Variants in CAPN7 observed in about 807,000 individuals in gnomAD.
The protein encoded by CAPN7 is calpain 7.
Under a neutral mutation model 115.2 loss-of-function variants are expected in CAPN7, and 72 were observed. That is an observed-to-expected ratio of 0.63 (90% CI 0.52 to 0.76). The LOEUF (loss-of-function observed/expected upper bound fraction) is 0.76, where lower values mean the gene tolerates loss of function less well. Among genes scored for constraint, CAPN7 ranks in the 30% least tolerant of loss-of-function variants. CAPN7 has a pLI of 0.00. For missense variants in CAPN7, 905 were observed against 971.5 expected, an observed-to-expected ratio of 0.93 and a Z score of 0.91; for synonymous variants, 344 against 322.3, an observed-to-expected ratio of 1.07 and a Z score of -0.72.
chr3:15,241,420 A>G, intron 14 of CAPN7, 33 bp from the exon 15 acceptor site: 1 of 1,601,602 alleles, frequency 6.2e-7, no homozygotes, highest in Non-Finnish European at 8.5e-7. Context: ...GAGAAATTTA[A>G]TTACAACCTT....
Position 15,215,142 on chromosome 3 carries a change from A to C in CAPN7, c.212-2283A>C, listed in dbSNP as rs529344955. ...GCTAAAGTTTTGAAAACATCAGCACAAACTGGGCACAGTGGTGAGTGCCTG... is the reference window on the plus strand; with the variant it reads ...GCTAAAGTTTTGAAAACATCAGCACCAACTGGGCACAGTGGTGAGTGCCTG... On this transcript the variant is annotated intron_variant, in intron 2 of 20. Transcript: ENST00000253693. 2.0e-5 allele frequency among the ~76,000 whole-genome samples: 3 copies of C among 152,216 alleles called. No individual in the cohort carries two copies. The South Asian group carries it at 6.2e-4, about 32-fold the overall frequency.
intron 16 of CAPN7, among the ~76,000 whole-genome samples, chr3:15,242,735 C>T (rs1488265980): frequency 6.6e-6 from 1 of 152,176 alleles, no homozygotes; most frequent in East Asian, 1.9e-4. Context: ...AGAATCTCTC[C>T]TCCTGCCTTA....
At chr3:15,232,947 T>C (rs1416378139) in intron 10 of CAPN7, among the ~76,000 whole-genome samples, 1 of 152,216 alleles carries the variant, frequency 6.6e-6, no homozygotes, top group Non-Finnish European at 1.5e-5. Flanking sequence ...TGTGTCATAT[T>C]GTCATGTATT....
rs576553169 is a variant in CAPN7, at chr3:15,214,221, A to G, written c.211+2009A>G. On this transcript the variant is annotated intron_variant, in intron 2 of 20. Coordinates refer to ENST00000253693, the MANE Select transcript of CAPN7 (RefSeq NM_014296.3). ...AAGCATAACATAGCTTGTTTTACCA[A>G]CTTCTTTCTGCTTTTGTTGAAGAAA... 1.9e-3 allele frequency among the ~76,000 whole-genome samples: 285 copies of G among 152,220 alleles called. 2 individuals are homozygous for G. The highest frequency in any genetic ancestry group is 6.7e-3 in the African/African-American group (277 of 41,552).
chr3:15,245,540 T>C lies in CAPN7; in HGVS notation c.1879T>C (p.Tyr627His). The change falls in exon 17 of 21, where the codon TAC becomes CAC. Residue 627 changes from tyrosine (Y) to histidine (H), a missense_variant. By Grantham distance (83) the Tyr-to-His change is moderately conservative (BLOSUM62 2). This residue lies in a region of CAPN7 where 620 missense variants were observed against 703.4 expected (regional missense o/e 0.88). Coordinates refer to ENST00000253693, the MANE Select transcript of CAPN7 (RefSeq NM_014296.3). ...TTTGTTTGCAGCTGACCCACCTCCATACATTGATGGAATTCGAATTAACAG... is the reference window on the plus strand; with the variant it reads ...TTTGTTTGCAGCTGACCCACCTCCACACATTGATGGAATTCGAATTAACAG... ...KVYYPADPPP[Y>H]IDGIRINSPH... 3 of 1,613,662 alleles carry C rather than the reference T, an allele frequency of 1.9e-6. No individual in the cohort carries two copies. Among genetic ancestry groups the C allele is most frequent in the Non-Finnish European group, 2.5e-6 (3 of 1,179,812 alleles).
intron 3 of CAPN7, 150 bp from the exon 4 acceptor site, chr3:15,218,323 A>G: frequency 3.2e-6 from 2 of 619,132 alleles, no homozygotes; most frequent in South Asian, 2.0e-5. Context: ...TTTAAATGAT[A>G]CCTTTAAGGA....
intron 12 of CAPN7, among the ~76,000 whole-genome samples, chr3:15,237,178 A>G (rs1409736374): frequency 2.0e-5 from 3 of 152,238 alleles, no homozygotes; most frequent in Non-Finnish European, 2.9e-5. Context: ...TGTAATAACA[A>G]CTAGCTGAAA....
rs577413185 is a variant in CAPN7 at position 15,213,489 on chromosome 3, G to A, written c.211+1277G>A. ...GAAGCATGCTAGACTAAATGTTAAA[G>A]CAGAATGCTCTAGAAAGGAGAGATT... On this transcript the variant is annotated intron_variant, in intron 2 of 20. Coordinates refer to ENST00000253693, the MANE Select transcript of CAPN7 (RefSeq NM_014296.3). 3.9e-5 allele frequency among the ~76,000 whole-genome samples: 6 copies of A among 152,316 alleles called. No individual in the cohort carries two copies. In the South Asian group the frequency reaches 1.0e-3, roughly 26 times the overall value.
chr3:15,245,785 CTCTT>C (rs1158946805), intron 17 of CAPN7, 114 bp downstream of exon 17: 4 of 789,904 alleles, frequency 5.1e-6, no homozygotes, highest in Non-Finnish European at 7.4e-6. Context: ...ATGTATTGCT[CTCTT>C]TTTTTGTGCT....
chr3:15,251,834 C>T lies in CAPN7; in HGVS notation c.*574C>T, dbSNP rs766200858. 6.6e-6 allele frequency: 1 copy of T among 152,092 alleles called. No individual in the cohort carries two copies. The highest frequency in any genetic ancestry group is 2.1e-4 in the South Asian group (1 of 4,834). The allele number at this position is 152,092 out of a possible 1,614,324, so 9.4% of individuals were successfully genotyped here. On this transcript the variant is annotated 3_prime_UTR_variant, in exon 21 of 21. Coordinates refer to ENST00000253693, the MANE Select transcript of CAPN7 (RefSeq NM_014296.3). ...GCCCAGGTGTTATGAAAGAATAAAGCTTTTAAGTATAGACTACCTTAGCAT... is the reference window on the plus strand; with the variant it reads ...GCCCAGGTGTTATGAAAGAATAAAGTTTTTAAGTATAGACTACCTTAGCAT...
rs1695056729 is a variant in CAPN7, at chr3:15,237,411, C to T, written c.1407+2266C>T. On this transcript the variant is annotated intron_variant, in intron 12 of 20. Transcript: ENST00000253693. The stretch of plus-strand genomic sequence containing the variant: ...TATATGTAGTTCATCGCTGTCTTAA[C>T]ATTTCATTATATGGTGCATGACTGT... 2.0e-5 allele frequency among the ~76,000 whole-genome samples: 3 copies of T among 151,824 alleles called. No homozygotes were observed. The South Asian group carries it at 6.2e-4, about 31-fold the overall frequency.
Position 15,247,395 on chromosome 3 carries a change from C to T in CAPN7, c.2142C>T (p.Asn714=), listed in dbSNP as rs1375769406. 1.9e-6 allele frequency: 3 copies of T among 1,611,334 alleles called. No individual in the cohort carries two copies. Among genetic ancestry groups the T allele is most frequent in the Non-Finnish European group, 2.5e-6 (3 of 1,178,366 alleles). The change falls in exon 19 of 21, where the codon AAC becomes AAT. Residue 714 remains asparagine, a synonymous_variant. Transcript: ENST00000253693. ...ATTTCCAAGAGACTCACAAAAATAACCCCATCTACCAATTCCATATAGAAA... is the reference window on the plus strand; with the variant it reads ...ATTTCCAAGAGACTCACAAAAATAATCCCATCTACCAATTCCATATAGAAA... The part of the protein sequence containing the change: ...CGNFQETHKN[N]PIYQFHIEKT...
chr3:15,250,706 T>C (rs1225799958), intron 19 of CAPN7, among the ~76,000 whole-genome samples: 1 of 152,128 alleles, frequency 6.6e-6, no homozygotes, highest in Non-Finnish European at 1.5e-5. Flanking sequence ...GAGCCCATGG[T>C]AAAAATACAG....
rs780304522 is a variant in CAPN7 at position 15,241,466 on chromosome 3, A to C, written c.1666A>C (p.Lys556Gln). 8 of 1,613,816 alleles carry C rather than the reference A, an allele frequency of 5.0e-6. No homozygotes were observed. In the African/African-American group the frequency reaches 8.0e-5, roughly 16 times the overall value. Residue 556 changes from lysine to glutamine, a missense_variant, in exon 15 of 21, where the codon AAG becomes CAG. Lys to Gln is a moderately conservative substitution (Grantham distance 53). This residue lies in a region of CAPN7 where 620 missense variants were observed against 703.4 expected (regional missense o/e 0.88). Coordinates refer to ENST00000253693, the MANE Select transcript of CAPN7 (RefSeq NM_014296.3). ...TTTATCTTTTAGTACTTGGGATGCT[A>C]AGCAAGGACCTGTGAAAGATGCCTA... ...STCIHSTWDAKQGPVKDAYSL... is the reference protein window; with the variant it reads ...STCIHSTWDAQQGPVKDAYSL...
chr3:15,218,478 T>C lies in CAPN7; in HGVS notation c.375T>C (p.Tyr125=), dbSNP rs756127787. The change falls in exon 4 of 21, where the codon TAT becomes TAC. Residue 125 remains tyrosine (Y), a synonymous_variant. Coordinates refer to ENST00000253693, the MANE Select transcript of CAPN7 (RefSeq NM_014296.3). Reference sequence around the variant, plus strand: ...GTCTCTTTCTTTCTCTTAAGTCTTATGAAACTGCTGATAAAGTCCTGCAAA... The same window carrying C: ...GTCTCTTTCTTTCTCTTAAGTCTTACGAAACTGCTGATAAAGTCCTGCAAA... ...EAVDLCLKTS[Y]ETADKVLQNK... 5.0e-6 allele frequency: 8 copies of C among 1,609,876 alleles called. No homozygotes were observed. The East Asian group carries it at 1.3e-4, about 27-fold the overall frequency.
intron 4 of CAPN7, among the ~76,000 whole-genome samples, chr3:15,220,312 C>G (rs755284198): frequency 6.6e-6 from 1 of 152,202 alleles, no homozygotes; most frequent in African/African-American, 2.4e-5. Context: ...TCCTCACTGC[C>G]CAGGTGAACA....
In CAPN7 at chr3:15,208,047, G is replaced by C. The variant is rs542844560; in HGVS notation, c.102+1450G>C. Among the ~76,000 whole-genome samples the C allele has an allele frequency of 2.0e-5, 3 of 152,230 alleles. No homozygotes were observed. In the South Asian group the frequency reaches 6.2e-4, roughly 32 times the overall value. The stretch of plus-strand genomic sequence containing the variant: ...ACCACAAACATGCGAGTAAAGTGTT[G>C]TGCTATGACATTATGATGGCTATGA... On this transcript the variant is annotated intron_variant, in intron 1 of 20. Transcript: ENST00000253693.
At chr3:15,227,379 A>G (rs1694383021) in intron 6 of CAPN7, among the ~76,000 whole-genome samples, 1 of 152,212 alleles carries the variant, frequency 6.6e-6, no homozygotes, top group South Asian at 2.1e-4. Context: ...TTATGTATGT[A>G]AAGCACTTTA....
intron 16 of CAPN7, among the ~76,000 whole-genome samples, chr3:15,244,072 T>C (rs570372261): frequency 6.6e-6 from 1 of 152,154 alleles, no homozygotes; most frequent in Admixed American, 6.5e-5. Context: ...GAGACTATGA[T>C]GTAAGGAAGC....
Sources: allele counts gnomAD v4.1 joint callset (sites outside exome capture counted in the v4.1 genomes callset), GRCh38; gene constraint gnomAD v4.1.1; regional missense constraint gnomAD v4.1.1; transcripts MANE v1.5; gene names NCBI Gene and HGNC (gene_info 2026-07-23, HGNC 2026-07-21).